The following KCNMA1 variants were observed in gnomAD, a reference collection of about 807,000 sequenced individuals.
The protein encoded by KCNMA1 is Calcium-activated potassium channel subunit alpha-1.
A neutral mutation model predicts 140.0 loss-of-function variants in KCNMA1; 29 were observed. That is an observed-to-expected ratio of 0.21 (90% CI 0.15 to 0.28). KCNMA1 has a LOEUF of 0.28. Among genes scored for constraint, KCNMA1 ranks in the 10% least tolerant of loss-of-function variants. The pLI, the probability that KCNMA1 is intolerant of heterozygous loss-of-function variation, is 1.00. For synonymous variants in KCNMA1, 612 were observed against 611.9 expected (o/e 1.00, Z 0.00); for missense variants, 880 against 1,602.2 (o/e 0.55, Z 7.70).
intron 2 of KCNMA1, among the ~76,000 whole-genome samples, chr10:77,358,324 A>G (rs957699075): frequency 2.6e-5 from 4 of 152,182 alleles, no homozygotes; most frequent in African/African-American, 4.8e-5. Context: ...TGATAAGCCT[A>G]CATGGTAAAG....
intron 1 of KCNMA1, among the ~76,000 whole-genome samples, chr10:77,447,153 A>T (rs755442874): frequency 5.3e-5 from 8 of 152,206 alleles, no homozygotes; most frequent in Non-Finnish European, 1.2e-4. Context: ...GACAGCCTGC[A>T]TCTGGTGACA....
intron 1 of KCNMA1, among the ~76,000 whole-genome samples, chr10:77,600,568 G>T (rs998580665): frequency 1.3e-5 from 2 of 152,142 alleles, no homozygotes; most frequent in Non-Finnish European, 2.9e-5. Flanking sequence ...GACCAACATG[G>T]AGAAACCCCA....
intron 25 of KCNMA1, among the ~76,000 whole-genome samples, chr10:76,894,830 G>A (rs2041794434): frequency 2.0e-5 from 3 of 152,124 alleles, no homozygotes; most frequent in African/African-American, 7.2e-5. Flanking sequence ...ACAAGAATTG[G>A]TAAGAATAAG....
At chr10:77,506,840 AGTGTGT>A (rs67309788) in intron 1 of KCNMA1, among the ~76,000 whole-genome samples, 8,166 of 120,796 alleles carry the variant, frequency 0.068, 822 homozygotes, top group African/African-American at 0.23. Context: ...AGAGAGAGAG[AGTGTGT>A]GTGTGTGTGT....
intron 25 of KCNMA1, among the ~76,000 whole-genome samples, chr10:76,892,796 C>T (rs2040749667): frequency 1.3e-5 from 2 of 152,130 alleles, no homozygotes; most frequent in African/African-American, 4.8e-5. Context: ...TGTAAAATAA[C>T]AGTGGTCATT....
downstream of KCNMA1, chr10:76,873,631 A>T (rs2031798550): frequency 6.6e-6 from 1 of 152,234 alleles, no homozygotes; most frequent in Non-Finnish European, 1.5e-5. Flanking sequence ...AAATGGACAG[A>T]TTCTGCCCTG....
rs1603636844 is a variant in KCNMA1 at position 77,564,447 on chromosome 10, G to A, written c.378+72818C>T. ...AATTAGCCAGGTATTTTTTTTACAG[G>A]TGGCACATGCCTGTAATCCCAACTA... On this transcript the variant is annotated intron_variant, in intron 1 of 27. Transcript: ENST00000286628. 2.0e-5 allele frequency among the ~76,000 whole-genome samples: 3 copies of A among 152,102 alleles called. No individual in the cohort carries two copies. The South Asian group carries it at 6.3e-4, about 32-fold the overall frequency.
At chr10:77,130,798 T>A (rs2153985535) in intron 5 of KCNMA1, among the ~76,000 whole-genome samples, 1 of 152,226 alleles carries the variant, frequency 6.6e-6, no homozygotes, top group African/African-American at 2.4e-5. Context: ...CATACATATA[T>A]ATGTATTTAT....
intron 2 of KCNMA1, among the ~76,000 whole-genome samples, chr10:77,352,387 C>A (rs1047072995): frequency 6.6e-5 from 10 of 152,176 alleles, no homozygotes; most frequent in African/African-American, 2.4e-4. Flanking sequence ...GTTCCCTTTC[C>A]CCTTTATGGT....
chr10:77,064,891 C>A (rs1270949061), intron 14 of KCNMA1, among the ~76,000 whole-genome samples: 1 of 152,218 alleles, frequency 6.6e-6, no homozygotes, highest in Non-Finnish European at 1.5e-5. Flanking sequence ...CAAATCTAAC[C>A]AGCCTCTGCA....
At chr10:77,175,193 T>C (rs2098742180) in intron 5 of KCNMA1, among the ~76,000 whole-genome samples, 1 of 152,170 alleles carries the variant, frequency 6.6e-6, no homozygotes, top group Admixed American at 6.5e-5. Flanking sequence ...AACCACACTT[T>C]GAGAACCACT....
At chr10:77,281,490 G>A (rs925636652) in intron 2 of KCNMA1, among the ~76,000 whole-genome samples, 2 of 152,162 alleles carry the variant, frequency 1.3e-5, no homozygotes, top group Non-Finnish European at 2.9e-5. Context: ...AACCATAACA[G>A]GGATATATAG....
intron 14 of KCNMA1, among the ~76,000 whole-genome samples, chr10:77,061,144 T>A (rs2095733197): frequency 6.6e-6 from 1 of 152,166 alleles, no homozygotes. Flanking sequence ...AGTCATATGG[T>A]AACTCAATGT....
intron 1 of KCNMA1, among the ~76,000 whole-genome samples, chr10:77,435,860 C>T (rs2097252729): frequency 6.6e-6 from 1 of 152,166 alleles, no homozygotes; most frequent in Admixed American, 6.5e-5. Flanking sequence ...AGGGAATGTA[C>T]CCAACCCATC....
At chr10:77,321,444 A>G (rs1227077951) in intron 2 of KCNMA1, among the ~76,000 whole-genome samples, 1 of 151,832 alleles carries the variant, frequency 6.6e-6, no homozygotes, top group African/African-American at 2.4e-5. Context: ...GGCTCCAAGA[A>G]GCCCAAGTCC....
intron 23 of KCNMA1, among the ~76,000 whole-genome samples, chr10:76,941,119 GGAAGGGA>G (rs1565063358): frequency 3.0e-4 from 17 of 56,944 alleles, no homozygotes; most frequent in African/African-American, 1.3e-3. Flanking sequence ...AGGGAGGGAG[GGAAGGGA>G]AGGGAAGGGA....
intron 1 of KCNMA1, among the ~76,000 whole-genome samples, chr10:77,531,937 C>T (rs1567369244): frequency 2.6e-5 from 4 of 152,156 alleles, no homozygotes; most frequent in South Asian, 2.1e-4. Flanking sequence ...TCTCTGCCCA[C>T]GTGGCACTGA....
intron 2 of KCNMA1, among the ~76,000 whole-genome samples, chr10:77,334,760 A>C (rs2088124325): frequency 6.6e-6 from 1 of 152,216 alleles, no homozygotes; most frequent in African/African-American, 2.4e-5. Context: ...TGAGAGCTAT[A>C]TAGCTAATTT....
intron 3 of KCNMA1, among the ~76,000 whole-genome samples, chr10:77,247,742 T>C (rs1269665381): frequency 6.6e-6 from 1 of 152,178 alleles, no homozygotes; most frequent in Non-Finnish European, 1.5e-5. Context: ...TTGTCTGTGC[T>C]TGTTAAGGCA....
Sources: allele counts gnomAD v4.1 joint callset (sites outside exome capture counted in the v4.1 genomes callset), GRCh38; gene constraint gnomAD v4.1.1; transcripts MANE v1.5; gene names NCBI Gene and HGNC (gene_info 2026-07-23, HGNC 2026-07-21).